JOSD2: variants seen among roughly 807,000 people sequenced by gnomAD.
The protein encoded by JOSD2 is josephin-2.
Under a neutral mutation model 19.3 loss-of-function variants are expected in JOSD2, and 20 were observed. The ratio of observed to expected loss-of-function variants is 1.04; its 90% CI spans 0.73 to 1.51. The LOEUF is 1.51. Ranked by LOEUF, JOSD2 falls within the 40% of genes most tolerant of loss-of-function variation. JOSD2 has a pLI of 0.00. For missense variants in JOSD2, 215 were observed against 250.4 expected, an observed-to-expected ratio of 0.86 and a Z score of 0.95; for synonymous variants, 118 against 123.7, an observed-to-expected ratio of 0.95 and a Z score of 0.31.
At chr19:50,509,103 ATTT>A (rs34345488) in intron 2 of JOSD2, among the ~76,000 whole-genome samples, 4 of 115,144 alleles carry the variant, frequency 3.5e-5, no homozygotes, top group Admixed American at 9.1e-5. Context: ...TAAAGGAGTG[ATTT>A]TTTTTTTTTT....
chr19:50,506,244 C>T lies in JOSD2; in HGVS notation c.496G>A (p.Gly166Ser). ...ACTACCAGCAGCACCTCGCACAGGC[C>T]CTGGGCCAGCGCAGCCGCCAGGAAG... ...RAFLAAALAQGLCEVLLVVTK... is the reference protein window; with the variant it reads ...RAFLAAALAQSLCEVLLVVTK... Residue 166 changes from glycine (G) to serine (S), a missense_variant, in exon 5 of 5, where the codon GGC (glycine) becomes AGC (serine). Physicochemically the swap from Gly to Ser is moderately conservative, Grantham distance 56 (BLOSUM62 0). Transcript: ENST00000598418. 1 of 1,612,712 alleles carries T rather than the reference C, an allele frequency of 6.2e-7. No homozygotes were observed. The highest frequency in any genetic ancestry group is 8.5e-7 in the Non-Finnish European group (1 of 1,179,832).
At position 50,510,229 on chromosome 19, in the gene JOSD2, G is replaced by C. The variant is rs538269597; in HGVS notation, c.146+57C>G. On this transcript the variant is annotated intron_variant, in intron 2 of 4. Transcript: ENST00000598418. ...AGCGCCTGCCTGGCGGCGAGACCCA[G>C]GTGGGTCACTCCGCCAGAGCTCTGC... 2.5e-6 allele frequency: 4 copies of C among 1,607,934 alleles called. No individual in the cohort carries two copies. The South Asian group carries it at 3.3e-5, about 13-fold the overall frequency.
At chr19:50,508,260 C>T (rs1265095021) in intron 2 of JOSD2, among the ~76,000 whole-genome samples, 1 of 152,238 alleles carries the variant, frequency 6.6e-6, no homozygotes, top group Non-Finnish European at 1.5e-5. Flanking sequence ...GAGGAGCCTC[C>T]TGACCTCCAG....
In JOSD2 at chr19:50,506,188, C is replaced by T. The variant is rs1444190736; in HGVS notation, c.552G>A (p.Trp184Ter). Reference protein sequence around the residue: ...VTKEVEEKGSWLRTD With the variant: ...VTKEVEEKGS ...TCAGCCATGGTCAGTCTGTCCGCAG[C>T]CAGCTGCCCTTCTCCTCCACCTCCT... Residue 184 changes from tryptophan (W) to a stop codon, truncating the protein, a stop_gained, in exon 5 of 5, where the codon TGG becomes TGA. Transcript: ENST00000598418. LOFTEE classifies it high-confidence loss of function. 1.2e-6 allele frequency: 2 copies of T among 1,612,686 alleles called. No homozygotes were observed. Among genetic ancestry groups the T allele is most frequent in the Non-Finnish European group, 1.7e-6 (2 of 1,179,844 alleles).
At chr19:50,509,310 C>G (rs901083306) in intron 2 of JOSD2, among the ~76,000 whole-genome samples, 10 of 151,910 alleles carry the variant, frequency 6.6e-5, no homozygotes, top group Admixed American at 2.6e-4. Context: ...CCAGGCTGGT[C>G]TGGAATTCCT....
chr19:50,506,588 G>C lies in JOSD2; in HGVS notation c.273-16C>G. The C allele has an allele frequency of 6.7e-7, 1 of 1,499,326 alleles. No individual in the cohort carries two copies. The highest frequency in any genetic ancestry group is 8.9e-7 in the Non-Finnish European group (1 of 1,120,312). The allele number at this position is 1,499,326 out of a possible 1,614,324, so 92.9% of individuals were successfully genotyped here. ...GGACAGGGGCCTGTGTGGGCAGGGAGGGGACACTGCCATCAGGGCCTGCTC... is the reference window on the plus strand; with the variant it reads ...GGACAGGGGCCTGTGTGGGCAGGGACGGGACACTGCCATCAGGGCCTGCTC... On this transcript the variant is annotated splice_polypyrimidine_tract_variant and intron_variant, in intron 3 of 4. Coordinates refer to ENST00000598418, the MANE Select transcript of JOSD2 (RefSeq NM_001270639.2).
intron 2 of JOSD2, chr19:50,510,067 AG>A: frequency 2.1e-6 from 1 of 470,492 alleles, no homozygotes; most frequent in Non-Finnish European, 3.8e-6. Context: ...AAAAAAAAAA[AG>A]AAAGAACCAC....
intron 1 of JOSD2, 119 bp from the exon 2 acceptor site, chr19:50,510,567 C>G: frequency 4.4e-6 from 4 of 914,530 alleles, no homozygotes; most frequent in Non-Finnish European, 6.4e-6. Context: ...CCCAGGAAGA[C>G]ACTGGGCCCC....
chr19:50,507,656 C>T lies in JOSD2; in HGVS notation c.190G>A (p.Gly64Ser), dbSNP rs1000878326. ...SRLNPHRSLL[G>S]TGNYDVNVIM... ...ACATTGACATCATAGTTGCCGGTGC[C>T]CAGGAGGCTGCGATGAGGGTTCAGC... is the stretch of plus-strand genomic sequence containing the variant. Residue 64 changes from glycine to serine, a missense_variant, in exon 3 of 5, where the codon GGC becomes AGC. By Grantham distance (56) the Gly-to-Ser change is moderately conservative. Coordinates refer to ENST00000598418, the MANE Select transcript of JOSD2 (RefSeq NM_001270639.2). 6.2e-7 allele frequency: 1 copy of T among 1,612,128 alleles called. No individual in the cohort carries two copies. The highest frequency in any genetic ancestry group is 1.1e-5 in the South Asian group (1 of 91,080).
chr19:50,510,226 C>A, intron 2 of JOSD2, 60 bp downstream of exon 2: 1 of 1,609,524 alleles, frequency 6.2e-7, no homozygotes, highest in Non-Finnish European at 8.5e-7. Flanking sequence ...GCGGCGAGAC[C>A]CAGGTGGGTC....
intron 2 of JOSD2, among the ~76,000 whole-genome samples, chr19:50,508,698 C>CGTGTGTGT (rs58475114): frequency 0.019 from 2,725 of 140,874 alleles, 31 homozygotes; most frequent in Non-Finnish European, 0.027. Context: ...GGAAAACGCT[C>CGTGTGTGT]GTGTGTGTGT....
intron 2 of JOSD2, 174 bp from the exon 3 acceptor site, chr19:50,507,873 A>G: frequency 2.6e-6 from 2 of 761,662 alleles, no homozygotes; most frequent in Non-Finnish European, 4.2e-6. Context: ...CCTGTCCCCA[A>G]GTCCTGTCTC....
intron 2 of JOSD2, 107 bp from the exon 3 acceptor site, chr19:50,507,806 C>T (rs1392372248): frequency 8.7e-6 from 12 of 1,373,458 alleles, no homozygotes; most frequent in Non-Finnish European, 8.9e-6. Flanking sequence ...ACTCTCCCCG[C>T]TTCAGACCCC....
intron 2 of JOSD2, 44 bp downstream of exon 2, chr19:50,510,242 G>A (rs772087921): frequency 2.5e-5 from 40 of 1,612,082 alleles, no homozygotes; most frequent in Non-Finnish European, 2.7e-5. Context: ...GGGTCACTCC[G>A]CCAGAGCTCT....
At chr19:50,507,470 C>T in intron 3 of JOSD2, 104 bp downstream of exon 3, 7 of 1,468,238 alleles carry the variant, frequency 4.8e-6, no homozygotes, top group Non-Finnish European at 6.3e-6. Context: ...ACATTCATGC[C>T]AACCTCCCCC....
In JOSD2 at chr19:50,507,712, G is replaced by A. The variant is rs749454020; in HGVS notation, c.147-13C>T. 6.2e-7 allele frequency: 1 copy of A among 1,608,216 alleles called. No individual in the cohort carries two copies. Among genetic ancestry groups the A allele is most frequent in the East Asian group, 2.2e-5 (1 of 44,842 alleles). On this transcript the variant is annotated splice_polypyrimidine_tract_variant and intron_variant, in intron 2 of 4. Transcript: ENST00000598418. Reference sequence around the variant, plus strand: ...GTCTGGGGCCAACCTGGTAGTGGGGGTGGCCAGAGCTGAGGTGGGGACCCC... The same window carrying A: ...GTCTGGGGCCAACCTGGTAGTGGGGATGGCCAGAGCTGAGGTGGGGACCCC...
Position 50,506,694 on chromosome 19 carries a change from TC to T in JOSD2, c.273-123del, listed in dbSNP as rs1419456846. ...GCCTCCTGAGCCCACCCAGAGGTGT[TC>T]CTTAATCAGCCACCCTGGTTCCCGA... On this transcript the variant is annotated intron_variant, in intron 3 of 4. Transcript: ENST00000598418. 4 of 864,970 alleles carry T rather than the reference TC, an allele frequency of 4.6e-6. No homozygotes were observed. The African/African-American group carries it at 6.9e-5, about 15-fold the overall frequency. 53.6% of individuals were successfully genotyped at this position (864,970 alleles called of 1,614,324 possible). A position where few individuals can be genotyped will look rare whatever the true frequency, so the allele number is the denominator to read the frequency against.
chr19:50,506,051 G>T lies in JOSD2; in HGVS notation c.*122C>A. 1 of 870,936 alleles carries T rather than the reference G, an allele frequency of 1.1e-6. No homozygotes were observed. The highest frequency in any genetic ancestry group is 1.8e-6 in the Non-Finnish European group (1 of 562,830). The allele number at this position is 870,936 out of a possible 1,614,324, so 54.0% of individuals were successfully genotyped here. ...AGCAGCGGCAGTGGGGAGCAGGGGT[G>T]TGGGGAGGGGGCGGGGCCTCCCCAG... On this transcript the variant is annotated 3_prime_UTR_variant, in exon 5 of 5. Coordinates refer to ENST00000598418, the MANE Select transcript of JOSD2 (RefSeq NM_001270639.2).
Position 50,511,167 on chromosome 19 carries a change from T to G in JOSD2, c.-68A>C. The G allele has an allele frequency of 2.2e-6, 1 of 447,136 alleles. No homozygotes were observed. Among genetic ancestry groups the G allele is most frequent in the South Asian group, 1.6e-5 (1 of 63,998 alleles). The allele number at this position is 447,136 out of a possible 1,614,324, so 27.7% of individuals were successfully genotyped here. On this transcript the variant is annotated 5_prime_UTR_variant, in exon 1 of 5. Coordinates refer to ENST00000598418, the MANE Select transcript of JOSD2 (RefSeq NM_001270639.2). ...GCCAGGGGTTTCCGCATCCCCTTCC[T>G]GGGCGGCGGCTCTGGGCTCCGAGTG...
Sources: gnomAD v4.1 joint callset for allele counts (sites outside exome capture counted in the v4.1 genomes callset) on GRCh38, gnomAD v4.1.1 for gene constraint, MANE v1.5 for transcripts, NCBI Gene and HGNC (gene_info 2026-07-23, HGNC 2026-07-21) for gene names.